ADAMDEC1: variants seen among roughly 807,000 people sequenced by gnomAD.
ADAMDEC1 encodes the protein ADAM DEC1.
ADAMDEC1 carries 62 observed loss-of-function variants against 60.4 expected under a neutral mutation model. That is an observed-to-expected ratio of 1.03 (90% CI 0.84 to 1.27). The LOEUF (loss-of-function observed/expected upper bound fraction) is 1.27, where lower values mean the gene tolerates loss of function less well. Among genes scored for constraint, ADAMDEC1 ranks in the 50% most tolerant of loss-of-function variants. The pLI, the probability that ADAMDEC1 is intolerant of heterozygous loss-of-function variation, is 0.00. For missense variants in ADAMDEC1, 595 were observed against 565.0 expected (o/e 1.05, Z -0.54); for synonymous variants, 210 against 195.1 (o/e 1.08, Z -0.64).
At chr8:24,386,913 A>G (rs1371243519) in intron 1 of ADAMDEC1, among the ~76,000 whole-genome samples, 2 of 152,106 alleles carry the variant, frequency 1.3e-5, no homozygotes, top group African/African-American at 2.4e-5. Context: ...AGCAGCTGTT[A>G]TGTTTTGCCA....
rs201270131 is a variant in ADAMDEC1, at chr8:24,397,474, A to G, written c.627+18A>G. On this transcript the variant is annotated intron_variant, in intron 6 of 13. Transcript: ENST00000256412. ...GCCCAGAGGTGAATACAATTCCCTTACCTCATCATTTACTTCAATTGTCTC... is the reference window on the plus strand; with the variant it reads ...GCCCAGAGGTGAATACAATTCCCTTGCCTCATCATTTACTTCAATTGTCTC... 2 of 1,607,982 alleles carry G rather than the reference A, an allele frequency of 1.2e-6. No individual in the cohort carries two copies. The highest frequency in any genetic ancestry group is 1.3e-5 in the African/African-American group (1 of 74,506).
intron 1 of ADAMDEC1, among the ~76,000 whole-genome samples, chr8:24,385,385 T>C (rs1362588030): frequency 2.6e-5 from 4 of 152,148 alleles, no homozygotes; most frequent in African/African-American, 9.7e-5. Context: ...TTCTTTTACA[T>C]TTCCTCATTG....
rs1486095777 is a variant in ADAMDEC1, at chr8:24,402,073, G to T, written c.1301G>T (p.Cys434Phe). Residue 434 changes from cysteine (C) to phenylalanine (F), a missense_variant, in exon 12 of 14, where the codon TGT (cysteine) becomes TTT (phenylalanine). Coordinates refer to ENST00000256412, the MANE Select transcript of ADAMDEC1 (RefSeq NM_014479.3). The stretch of plus-strand genomic sequence containing the variant: ...CACCTTCTAGAAGTGGGAGAAGACT[G>T]TGATTGTGGCTCTCCTAAGGTATTA... ...GNHLLEVGED[C>F]DCGSPKECTN... 1.2e-6 allele frequency: 2 copies of T among 1,611,132 alleles called. No homozygotes were observed. The highest frequency in any genetic ancestry group is 1.7e-6 in the Non-Finnish European group (2 of 1,178,060).
chr8:24,402,292 A>G (rs1406234727), intron 12 of ADAMDEC1, among the ~76,000 whole-genome samples, 200 bp downstream of exon 12: 2 of 152,184 alleles, frequency 1.3e-5, no homozygotes, highest in Admixed American at 1.3e-4. Flanking sequence ...ACATAATTAT[A>G]TGAAGTTAAA....
intron 7 of ADAMDEC1, 73 bp downstream of exon 7, chr8:24,397,818 C>T: frequency 7.0e-7 from 1 of 1,426,918 alleles, no homozygotes; most frequent in Non-Finnish European, 9.7e-7. Flanking sequence ...CAAAAGCAAG[C>T]AATAAACTAT....
chr8:24,406,007 T>C lies in ADAMDEC1; in HGVS notation c.*709T>C, dbSNP rs1017755620. 2.0e-5 allele frequency: 3 copies of C among 152,196 alleles called. No homozygotes were observed. Among genetic ancestry groups the C allele is most frequent in the Non-Finnish European group, 4.4e-5 (3 of 68,032 alleles). The allele number at this position is 152,196 out of a possible 1,614,324, so 9.4% of individuals were successfully genotyped here. A position where few individuals can be genotyped will look rare whatever the true frequency, so the allele number is the denominator to read the frequency against. On this transcript the variant is annotated 3_prime_UTR_variant, in exon 14 of 14. Coordinates refer to ENST00000256412, the MANE Select transcript of ADAMDEC1 (RefSeq NM_014479.3). ...CATAATGTCAATAAAAACACAACTT[T>C]TGAGGCTTTTCTGTGTGGTCATTTT...
intron 2 of ADAMDEC1, 115 bp from the exon 3 acceptor site, chr8:24,393,147 G>A (rs966315612): frequency 2.7e-5 from 16 of 588,140 alleles, no homozygotes; most frequent in Non-Finnish European, 3.9e-5. Flanking sequence ...AAACACAAAA[G>A]AATTGCTTTT....
chr8:24,399,078 G>A, intron 9 of ADAMDEC1, 38 bp downstream of exon 9: 1 of 1,585,706 alleles, frequency 6.3e-7, no homozygotes, highest in African/African-American at 1.3e-5. Flanking sequence ...AGGCAGAATG[G>A]ATAGCTATCC....
rs772251748 is a variant in ADAMDEC1, at chr8:24,405,331, T to C, written c.*33T>C. Reference sequence around the variant, plus strand: ...AGTCTGCTTCACTGAGATGCTACCTTGCCAGGACAAGAACCAAGAACTCTA... The same window carrying C: ...AGTCTGCTTCACTGAGATGCTACCTCGCCAGGACAAGAACCAAGAACTCTA... On this transcript the variant is annotated 3_prime_UTR_variant, in exon 14 of 14. Transcript: ENST00000256412. 4 of 1,611,492 alleles carry C rather than the reference T, an allele frequency of 2.5e-6. No homozygotes were observed. In the South Asian group the frequency reaches 4.4e-5, roughly 18 times the overall value.
At chr8:24,399,191 A>G (rs928182221) in intron 9 of ADAMDEC1, 151 bp downstream of exon 9, 7 of 1,012,438 alleles carry the variant, frequency 6.9e-6, no homozygotes, top group Non-Finnish European at 1.0e-5. Context: ...ACATTATTGG[A>G]TCAATAATCA....
chr8:24,385,194 A>T lies in ADAMDEC1; in HGVS notation c.88+602A>T, dbSNP rs570930226. Among the ~76,000 whole-genome samples the T allele has an allele frequency of 2.9e-4, 44 of 152,192 alleles. 1 individual carries two copies. The highest frequency in any genetic ancestry group is 4.4e-4 in the Non-Finnish European group (30 of 68,018). ...TTTTACTAGTGATCACATAATAAGCATGTTAAAAGCCAAGCTGTAAACCTA... is the reference window on the plus strand; with the variant it reads ...TTTTACTAGTGATCACATAATAAGCTTGTTAAAAGCCAAGCTGTAAACCTA... On this transcript the variant is annotated intron_variant, in intron 1 of 13. Coordinates refer to ENST00000256412, the MANE Select transcript of ADAMDEC1 (RefSeq NM_014479.3).
chr8:24,393,793 G>A (rs1338582039), intron 3 of ADAMDEC1, among the ~76,000 whole-genome samples: 1 of 152,166 alleles, frequency 6.6e-6, no homozygotes, highest in African/African-American at 2.4e-5. Flanking sequence ...TGTGGAGGTT[G>A]TGTCCTTGGT....
At chr8:24,399,360 T>G (rs1184168789) in intron 9 of ADAMDEC1, 33 bp from the exon 10 acceptor site, 9 of 1,587,064 alleles carry the variant, frequency 5.7e-6, no homozygotes, top group Non-Finnish European at 7.8e-6. Context: ...AAGACTCAGA[T>G]TGTGACAGTA....
intron 1 of ADAMDEC1, among the ~76,000 whole-genome samples, chr8:24,388,447 G>A (rs961825579): frequency 4.0e-5 from 6 of 151,626 alleles, no homozygotes; most frequent in African/African-American, 1.2e-4. Context: ...TCATTTTGGG[G>A]GCATCATATT....
At chr8:24,399,508 C>T in intron 10 of ADAMDEC1, 34 bp downstream of exon 10, 1 of 1,534,560 alleles carries the variant, frequency 6.5e-7, no homozygotes. Context: ...CTCTGTGGTT[C>T]TGTATCCTCT....
intron 8 of ADAMDEC1, 139 bp downstream of exon 8, chr8:24,398,690 A>G: frequency 1.1e-6 from 1 of 909,696 alleles, no homozygotes; most frequent in Non-Finnish European, 1.7e-6. Flanking sequence ...TTAGCAGAAC[A>G]AGCATCAACA....
At chr8:24,392,900 T>G (rs1277366692) in intron 2 of ADAMDEC1, among the ~76,000 whole-genome samples, 3 of 147,696 alleles carry the variant, frequency 2.0e-5, no homozygotes, top group African/African-American at 7.4e-5. Context: ...TTTTTTTTTT[T>G]TTTTTTTTTT....
In ADAMDEC1 at chr8:24,391,874, T is replaced by A. The variant is rs970808258; in HGVS notation, c.89-388T>A. The stretch of plus-strand genomic sequence containing the variant: ...GTCTTGGAGGGCATAGAGAGAAAAA[T>A]TCACAATTTTTAAGAAGACTCTAAA... On this transcript the variant is annotated intron_variant, in intron 1 of 13. Transcript: ENST00000256412. Among the ~76,000 whole-genome samples the A allele has an allele frequency of 7.9e-5, 12 of 152,068 alleles. 1 individual carries two copies. Among genetic ancestry groups the A allele is most frequent in the African/African-American group, 1.9e-4 (8 of 41,518 alleles).
At position 24,401,679 on chromosome 8, in the gene ADAMDEC1, C is replaced by T. The variant is rs116417503; in HGVS notation, c.1143-236C>T. On this transcript the variant is annotated intron_variant, in intron 11 of 13. Coordinates refer to ENST00000256412, the MANE Select transcript of ADAMDEC1 (RefSeq NM_014479.3). ...CACATGGAAATTGAAATCCTTCCAGCTCTGTGACTTAGGCTCTAGGAAGAA... is the reference window on the plus strand; with the variant it reads ...CACATGGAAATTGAAATCCTTCCAGTTCTGTGACTTAGGCTCTAGGAAGAA... Among the ~76,000 whole-genome samples, 1,511 of 152,222 alleles carry T rather than the reference C, an allele frequency of 9.9e-3. 25 individuals carry two copies. The highest frequency in any genetic ancestry group is 0.035 in the African/African-American group (1,452 of 41,544).
Sources: gnomAD v4.1 joint callset for allele counts (sites outside exome capture counted in the v4.1 genomes callset) on GRCh38, gnomAD v4.1.1 for gene constraint, MANE v1.5 for transcripts, NCBI Gene and HGNC (gene_info 2026-07-23, HGNC 2026-07-21) for gene names.